The following FPGS variants were observed in gnomAD, a reference collection of about 807,000 sequenced individuals.
FPGS encodes folylpolyglutamate synthase, mitochondrial.
In FPGS, 53 loss-of-function variants were observed where a neutral mutation model predicts 66.5. The ratio of observed to expected loss-of-function variants is 0.80; its 90% CI spans 0.64 to 1.00. The LOEUF (loss-of-function observed/expected upper bound fraction) is 1.00. Among genes scored for constraint, FPGS ranks in the 50% least tolerant of loss-of-function variants. The pLI is 0.00. For synonymous variants in FPGS, 348 were observed against 350.9 expected, an observed-to-expected ratio of 0.99 and a Z score of 0.09; for missense variants, 702 against 807.7, an observed-to-expected ratio of 0.87 and a Z score of 1.59.
Position 127,813,360 on chromosome 9 carries a change from C to G in FPGS, c.1520C>G (p.Pro507Arg). 6.2e-7 allele frequency: 1 copy of G among 1,612,614 alleles called. No individual in the cohort carries two copies. The highest frequency in any genetic ancestry group is 8.5e-7 in the Non-Finnish European group (1 of 1,179,406). The change falls in exon 15 of 15, where the codon CCC (proline) becomes CGC (arginine). Residue 507 changes from proline (P) to arginine (R), a missense_variant. By Grantham distance (103) the Pro-to-Arg change is moderately radical. Around this residue, in one of 3 missense-constraint regions of FPGS, gnomAD observed 351 missense variants for 363.7 expected, o/e 0.97. Coordinates refer to ENST00000373247, the MANE Select transcript of FPGS (RefSeq NM_004957.6). ...TCCCTGCTTCTGGCGCCCCACCCAC[C>G]CCACACCTGCAGTGCCAGCTCCCTC... ...SASLLLAPHP[P>R]HTCSASSLVF... is the part of the protein sequence containing the mutation.
In FPGS at chr9:127,807,300, C is replaced by G. The variant is rs1829853857; in HGVS notation, c.579+14C>G. 1.9e-6 allele frequency: 3 copies of G among 1,613,968 alleles called. No individual in the cohort carries two copies. Among genetic ancestry groups the G allele is most frequent in the Non-Finnish European group, 1.7e-6 (2 of 1,179,954 alleles). ...CTCCAAGAGAAGGTGTGTGCCCTCT[C>G]CCTAGAACCCTGCATCTGAGGCCTT... is the stretch of plus-strand genomic sequence containing the variant. On this transcript the variant is annotated intron_variant, in intron 6 of 14. Transcript: ENST00000373247. The surrounding 1 kb of genome is among the most constrained non-coding windows in gnomAD (Gnocchi z 5.8).
chr9:127,809,994 C>T (rs372808084), intron 12 of FPGS, 37 bp from the exon 13 acceptor site: 9 of 1,580,754 alleles, frequency 5.7e-6, no homozygotes, highest in Admixed American at 1.8e-5. Flanking sequence ...GGAGAACGGG[C>T]GGCGCCCTTT....
Position 127,802,911 on chromosome 9 carries a change from G to T in FPGS, c.-14G>T. 7.4e-7 allele frequency: 1 copy of T among 1,357,726 alleles called. No individual in the cohort carries two copies. Among genetic ancestry groups the T allele is most frequent in the African/African-American group, 1.5e-5 (1 of 65,040 alleles). 84.1% of individuals were successfully genotyped at this position (1,357,726 alleles called of 1,614,324 possible). ...CCCGCCCGGGCCTAGAGCGCTGCCG[G>T]GGGCGCCGGGACTATGTCGCGGGCG... is the stretch of plus-strand genomic sequence containing the variant. On this transcript the variant is annotated 5_prime_UTR_variant, in exon 1 of 15. Transcript: ENST00000373247.
In FPGS at chr9:127,811,026, G is replaced by T. The variant is rs1222681594; in HGVS notation, c.1354+15G>T. Reference sequence around the variant, plus strand: ...AGGCAACGCAGGTGAGAGGTGACAGGCATGGCCCCTGGGGATGAGCAGGGG... The same window carrying T: ...AGGCAACGCAGGTGAGAGGTGACAGTCATGGCCCCTGGGGATGAGCAGGGG... On this transcript the variant is annotated intron_variant, in intron 14 of 14. Transcript: ENST00000373247. 2 of 1,560,886 alleles carry T rather than the reference G, an allele frequency of 1.3e-6. No homozygotes were observed. Among genetic ancestry groups the T allele is most frequent in the African/African-American group, 1.4e-5 (1 of 73,764 alleles).
Position 127,813,708 on chromosome 9 carries a change from T to C in FPGS, c.*104T>C. ...TGTTTTTGGCTTTCCTGGTTCTGTC[T>C]AGACTGGCCTAGGGGCCAGGGCTTT... On this transcript the variant is annotated 3_prime_UTR_variant, in exon 15 of 15. Coordinates refer to ENST00000373247, the MANE Select transcript of FPGS (RefSeq NM_004957.6). The C allele has an allele frequency of 7.1e-7, 1 of 1,401,138 alleles. No individual in the cohort carries two copies. Among genetic ancestry groups the C allele is most frequent in the Admixed American group, 3.2e-5 (1 of 31,676 alleles). 86.8% of individuals were successfully genotyped at this position (1,401,138 alleles called of 1,614,324 possible).
chr9:127,806,819 G>A (rs1009521982), intron 4 of FPGS, 154 bp from the exon 5 acceptor site: 31 of 629,986 alleles, frequency 4.9e-5, no homozygotes, highest in Non-Finnish European at 8.3e-5. Flanking sequence ...AGGACTGGGG[G>A]GCTACAGATA....
chr9:127,807,819 G>A lies in FPGS; in HGVS notation c.744+131G>A. Reference sequence around the variant, plus strand: ...ACTATTTCCCCATTGAAACGTGAGGGATGGCTGGGCATGGTGGCTTATATG... The same window carrying A: ...ACTATTTCCCCATTGAAACGTGAGGAATGGCTGGGCATGGTGGCTTATATG... On this transcript the variant is annotated intron_variant, in intron 8 of 14. Coordinates refer to ENST00000373247, the MANE Select transcript of FPGS (RefSeq NM_004957.6). The surrounding 1 kb of genome is among the most constrained non-coding windows in gnomAD (Gnocchi z 5.8). The A allele has an allele frequency of 1.6e-6, 1 of 635,482 alleles. No homozygotes were observed. The highest frequency in any genetic ancestry group is 1.8e-5 in the African/African-American group (1 of 54,440). The allele number at this position is 635,482 out of a possible 1,614,324, so 39.4% of individuals were successfully genotyped here. A position where few individuals can be genotyped will look rare whatever the true frequency, so the allele number is the denominator to read the frequency against.
intron 4 of FPGS, 58 bp from the exon 5 acceptor site, chr9:127,806,915 T>A: frequency 7.7e-7 from 1 of 1,292,490 alleles, no homozygotes; most frequent in Non-Finnish European, 1.1e-6. Flanking sequence ...CCCTGCAGGG[T>A]GGGGGAAGGC....
chr9:127,813,398 A>AT lies in FPGS; in HGVS notation c.1561dup (p.Ser521PhefsTer19). On this transcript the variant is annotated frameshift_variant, in exon 15 of 15. Transcript: ENST00000373247. LOFTEE classifies it high-confidence loss of function. ...TGCCAGCTCCCTCGTCTTCAGCTGCATTTCACATGCCTTGCAATGGATCAG... is the reference window on the plus strand; with the variant it reads ...TGCCAGCTCCCTCGTCTTCAGCTGCATTTTCACATGCCTTGCAATGGATCAG... 1.2e-6 allele frequency: 2 copies of AT among 1,609,578 alleles called. No homozygotes were observed. Among genetic ancestry groups the AT allele is most frequent in the Non-Finnish European group, 1.7e-6 (2 of 1,177,292 alleles).
chr9:127,802,880 GC>G, upstream of FPGS: 1 of 1,288,584 alleles, frequency 7.8e-7, no homozygotes, highest in Non-Finnish European at 9.8e-7. Context: ...GCGGGGCGGG[GC>G]GTCTCCCGCC....
Position 127,814,062 on chromosome 9 carries a change from A to C in FPGS, c.*458A>C. The C allele has an allele frequency of 1.0e-6, 1 of 991,610 alleles. No homozygotes were observed. The highest frequency in any genetic ancestry group is 4.7e-5 in the South Asian group (1 of 21,366). 61.4% of individuals were successfully genotyped at this position (991,610 alleles called of 1,614,324 possible). On this transcript the variant is annotated 3_prime_UTR_variant, in exon 15 of 15. Coordinates refer to ENST00000373247, the MANE Select transcript of FPGS (RefSeq NM_004957.6). ...ATTAAAGCCTTTGTTTTTTAAAGAAATGGCAAAGCCTTCGACTGACCCTTG... is the reference window on the plus strand; with the variant it reads ...ATTAAAGCCTTTGTTTTTTAAAGAACTGGCAAAGCCTTCGACTGACCCTTG...
chr9:127,809,020 A>G lies in FPGS; in HGVS notation c.1060+131A>G, dbSNP rs937108759. The G allele has an allele frequency of 7.2e-6, 5 of 698,600 alleles. No homozygotes were observed. In the Admixed American group the frequency reaches 9.1e-5, roughly 13 times the overall value. The allele number at this position is 698,600 out of a possible 1,614,324, so 43.3% of individuals were successfully genotyped here. The stretch of plus-strand genomic sequence containing the variant: ...TTTGAAGTGGTGCTTAAGAGAAAGG[A>G]CTCTGATGTCAGCAAACCTCCCTGA... On this transcript the variant is annotated intron_variant, in intron 11 of 14. Transcript: ENST00000373247.
intron 13 of FPGS, 98 bp downstream of exon 13, chr9:127,810,204 T>C: frequency 9.8e-7 from 1 of 1,016,584 alleles, no homozygotes; most frequent in South Asian, 1.4e-5. Flanking sequence ...CCTTGAGTTG[T>C]ATTGAGGATT....
chr9:127,813,158 T>A, intron 14 of FPGS, 37 bp from the exon 15 acceptor site: 1 of 1,524,738 alleles, frequency 6.6e-7, no homozygotes, highest in Non-Finnish European at 8.8e-7. Context: ...TTACTCCCTC[T>A]CCCCTTCGCT....
chr9:127,808,907 G>T lies in FPGS; in HGVS notation c.1060+18G>T, dbSNP rs1194651723. The T allele has an allele frequency of 6.5e-7, 1 of 1,537,798 alleles. No homozygotes were observed. The highest frequency in any genetic ancestry group is 1.2e-5 in the South Asian group (1 of 83,832). ...GCGGCTCGGTGAGTTAGACCTTCCT[G>T]CCCAGCTGGGACCACTGCGTGTGTC... On this transcript the variant is annotated intron_variant, in intron 11 of 14. Transcript: ENST00000373247.
intron 1 of FPGS, 49 bp downstream of exon 1, chr9:127,803,111 G>A: frequency 1.5e-6 from 2 of 1,318,198 alleles, no homozygotes; most frequent in Non-Finnish European, 1.9e-6. Flanking sequence ...ACGACACGTG[G>A]GCCTGCGCTG....
At chr9:127,803,880 G>A (rs1829706605) in intron 1 of FPGS, among the ~76,000 whole-genome samples, 2 of 152,126 alleles carry the variant, frequency 1.3e-5, no homozygotes, top group Non-Finnish European at 1.5e-5. Context: ...TGGAGCTTCG[G>A]GGAACTCCAG....
chr9:127,812,607 T>G, intron 14 of FPGS, among the ~76,000 whole-genome samples: 1 of 152,192 alleles, frequency 6.6e-6, no homozygotes, highest in Non-Finnish European at 1.5e-5. Flanking sequence ...GTTCAAGTGA[T>G]ACTCTTGCCT....
rs1292135004 is a variant in FPGS, at chr9:127,808,269, AG to A, written c.782del (p.Gly261ValfsTer6). On this transcript the variant is annotated frameshift_variant, in exon 9 of 15. Transcript: ENST00000373247. LOFTEE classifies it high-confidence loss of function. ...VPAFTVLQPE[G>X]PLAVLRDRAQ... ...CTGCCTTCACTGTGCTCCAACCTGA[AG>A]GTCCCCTGGCAGTGCTGAGGGACCG... 1 of 1,613,938 alleles carries A rather than the reference AG, an allele frequency of 6.2e-7. No homozygotes were observed. Among genetic ancestry groups the A allele is most frequent in the Non-Finnish European group, 8.5e-7 (1 of 1,179,986 alleles).
Sources: allele counts gnomAD v4.1 joint callset (sites outside exome capture counted in the v4.1 genomes callset), GRCh38; gene constraint gnomAD v4.1.1; regional missense constraint gnomAD v4.1.1; non-coding constraint Gnocchi (gnomAD v3.1); transcripts MANE v1.5; gene names NCBI Gene and HGNC (gene_info 2026-07-23, HGNC 2026-07-21).